BTRC: variants seen among roughly 807,000 people sequenced by gnomAD.
BTRC encodes the protein beta-transducin repeat containing E3 ubiquitin protein ligase, also known as F-box/WD repeat-containing protein 1A.
Under a neutral mutation model 85.5 loss-of-function variants are expected in BTRC, and 42 were observed. That is an observed-to-expected ratio of 0.49 (90% CI 0.38 to 0.64). The LOEUF (loss-of-function observed/expected upper bound fraction) is 0.64. BTRC is among the 30% of genes least tolerant of loss of function. The probability of loss-of-function intolerance (pLI) is 0.00; values close to 1 mark genes in which losing one functional copy is unlikely to be tolerated. For synonymous variants in BTRC, 255 were observed against 263.3 expected, an observed-to-expected ratio of 0.97 and a Z score of 0.30; for missense variants, 594 against 743.5, an observed-to-expected ratio of 0.80 and a Z score of 2.34.
intron 4 of BTRC, among the ~76,000 whole-genome samples, chr10:101,485,531 C>T (rs1429916021): frequency 6.6e-6 from 1 of 152,238 alleles, no homozygotes; most frequent in African/African-American, 2.4e-5. Context: ...CAGCTTATAA[C>T]AAAGCCATTC....
At chr10:101,502,315 T>G (rs1946417168) in intron 4 of BTRC, among the ~76,000 whole-genome samples, 1 of 152,156 alleles carries the variant, frequency 6.6e-6, no homozygotes, top group Non-Finnish European at 1.5e-5. Flanking sequence ...TTCTGATAAT[T>G]TCCTTACTGT....
rs113211577 is a variant in BTRC at position 101,385,088 on chromosome 10, C to T, written c.48+30860C>T. Among the ~76,000 whole-genome samples, 745 of 151,970 alleles carry T rather than the reference C, an allele frequency of 4.9e-3. 8 individuals carry two copies. The highest frequency in any genetic ancestry group is 0.017 in the African/African-American group (699 of 41,442). ...ACAGAACAAAACAGAACAAAATTAGCGTGGCATGGTGGTGCACACCTGTAG... is the reference window on the plus strand; with the variant it reads ...ACAGAACAAAACAGAACAAAATTAGTGTGGCATGGTGGTGCACACCTGTAG... On this transcript the variant is annotated intron_variant, in intron 1 of 14. Transcript: ENST00000370187.
rs559338839 is a variant in BTRC at position 101,521,384 on chromosome 10, T to G, written c.325-255T>G. ...GTAATAACATGCTTTCAGCTTTTGG[T>G]TTTTATTTGTGTATCTTCAAATATT... On this transcript the variant is annotated intron_variant, in intron 4 of 14. Transcript: ENST00000370187. 1.1e-4 allele frequency among the ~76,000 whole-genome samples: 16 copies of G among 152,316 alleles called. No homozygotes were observed. The South Asian group carries it at 2.7e-3, about 26-fold the overall frequency.
chr10:101,486,547 A>G (rs556150849), intron 4 of BTRC, among the ~76,000 whole-genome samples: 20 of 152,250 alleles, frequency 1.3e-4, no homozygotes, highest in African/African-American at 4.6e-4. Context: ...GGAGGAAGCC[A>G]TGTTTCCTCC....
chr10:101,410,941 TA>T lies in BTRC; in HGVS notation c.49-19397del, dbSNP rs913159265. Among the ~76,000 whole-genome samples, 35 of 152,086 alleles carry T rather than the reference TA, an allele frequency of 2.3e-4. No homozygotes were observed. In the East Asian group the frequency reaches 3.5e-3, roughly 15 times the overall value. On this transcript the variant is annotated intron_variant, in intron 1 of 14. Transcript: ENST00000370187. ...ATTTTTGCTTAAATTGCTTACTTTT[TA>T]AAAAAATTTTAAATGAAACAATTTT...
At position 101,550,789 on chromosome 10, in the gene BTRC, C is replaced by G. The variant is rs765044690; in HGVS notation, c.1747C>G (p.Leu583Val). 3.1e-6 allele frequency: 5 copies of G among 1,614,026 alleles called. No homozygotes were observed. In the South Asian group the frequency reaches 5.5e-5, roughly 18 times the overall value. The change falls in exon 14 of 15, where the codon CTA becomes GTA. Residue 583 changes from leucine to valine, a missense_variant. Physicochemically the swap from Leu to Val is conservative, Grantham distance 32 (BLOSUM62 1). This residue lies in a region of BTRC where 56 missense variants were observed against 39.6 expected (regional missense o/e 1.41). Coordinates refer to ENST00000370187, the MANE Select transcript of BTRC (RefSeq NM_033637.4). ...TGACACAATCCTCATCTGGGACTTC[C>G]TAAATGATCCAGCTGCCCAAGCTGA... is the stretch of plus-strand genomic sequence containing the variant. ...HDDTILIWDFLNDPAAQAEPP... is the reference protein window; with the variant it reads ...HDDTILIWDFVNDPAAQAEPP...
chr10:101,414,878 A>C (rs1943886490), intron 1 of BTRC, among the ~76,000 whole-genome samples: 1 of 151,892 alleles, frequency 6.6e-6, no homozygotes, highest in African/African-American at 2.4e-5. Context: ...TTTTGAGCTA[A>C]ATGTTATTAC....
At chr10:101,536,699 A>T (rs757033314) in intron 12 of BTRC, 46 bp downstream of exon 12, 3 of 1,399,626 alleles carry the variant, frequency 2.1e-6, no homozygotes, top group African/African-American at 2.8e-5. Context: ...CTACGTCTTA[A>T]TCCTTCCTTA....
At chr10:101,388,270 TC>T (rs1231882570) in intron 1 of BTRC, among the ~76,000 whole-genome samples, 3 of 152,020 alleles carry the variant, frequency 2.0e-5, no homozygotes, top group African/African-American at 7.2e-5. Flanking sequence ...CAAGTGATCC[TC>T]CTGCCTCAGC....
At chr10:101,418,845 G>T (rs1233767836) in intron 1 of BTRC, among the ~76,000 whole-genome samples, 2 of 151,980 alleles carry the variant, frequency 1.3e-5, no homozygotes, top group Admixed American at 1.3e-4. Flanking sequence ...TTTCCCTAAT[G>T]CTCTCCCCTG....
intron 2 of BTRC, among the ~76,000 whole-genome samples, chr10:101,442,262 A>ATCTCTCTCTCTCTCTCTCTCTCTC (rs10531761): frequency 1.2e-3 from 150 of 129,226 alleles, no homozygotes; most frequent in Non-Finnish European, 1.4e-3. Context: ...TTGAATTAGA[A>ATCTCTCTCTCTCTCTCTCTCTCTC]TCTCTCTCTC....
intron 3 of BTRC, among the ~76,000 whole-genome samples, chr10:101,475,869 A>T (rs185079691): frequency 1.4e-5 from 2 of 146,514 alleles, no homozygotes; most frequent in African/African-American, 5.0e-5. Context: ...TAAAATTAGC[A>T]AGCTGAGATG....
At chr10:101,422,026 A>G (rs1246835163) in intron 1 of BTRC, among the ~76,000 whole-genome samples, 3 of 152,168 alleles carry the variant, frequency 2.0e-5, no homozygotes, top group African/African-American at 7.2e-5. Flanking sequence ...TTCTAGTTCT[A>G]GATCCCTGAG....
At chr10:101,427,547 C>T (rs1300999328) in intron 1 of BTRC, among the ~76,000 whole-genome samples, 1 of 141,508 alleles carries the variant, frequency 7.1e-6, no homozygotes, top group Non-Finnish European at 1.5e-5. Flanking sequence ...TTCTTTCTTT[C>T]CACAGGGTCT....
intron 13 of BTRC, among the ~76,000 whole-genome samples, chr10:101,538,982 C>T (rs1303043965): frequency 2.0e-5 from 3 of 150,826 alleles, no homozygotes; most frequent in East Asian, 2.0e-4. Context: ...ACCTGAGAGG[C>T]GGAGGTTGCA....
chr10:101,437,491 T>C (rs866014263), intron 2 of BTRC, among the ~76,000 whole-genome samples: 2 of 152,328 alleles, frequency 1.3e-5, no homozygotes, highest in East Asian at 1.9e-4. Flanking sequence ...TTATGAGATA[T>C]ACAGTTAAAA....
At chr10:101,360,089 C>CT (rs925471328) in intron 1 of BTRC, among the ~76,000 whole-genome samples, 33 of 151,992 alleles carry the variant, frequency 2.2e-4, no homozygotes, top group African/African-American at 7.7e-4. Flanking sequence ...GGGTCTCACT[C>CT]TGTCACCCAG....
At chr10:101,438,512 A>G (rs1944596961) in intron 2 of BTRC, among the ~76,000 whole-genome samples, 1 of 151,820 alleles carries the variant, frequency 6.6e-6, no homozygotes, top group African/African-American at 2.4e-5. Context: ...ACATACACAT[A>G]CATATATACT....
chr10:101,469,549 T>C (rs976945732), intron 3 of BTRC, among the ~76,000 whole-genome samples: 8 of 152,078 alleles, frequency 5.3e-5, no homozygotes, highest in Non-Finnish European at 1.2e-4. Flanking sequence ...TTCAGAAAAA[T>C]AGCATGATAC....
Sources: gnomAD v4.1 joint callset for allele counts (sites outside exome capture counted in the v4.1 genomes callset) on GRCh38, gnomAD v4.1.1 for gene constraint, gnomAD v4.1.1 regional missense constraint, MANE v1.5 for transcripts, NCBI Gene and HGNC (gene_info 2026-07-23, HGNC 2026-07-21) for gene names.